Variants in EML4 observed in about 807,000 individuals in gnomAD.
EML4 encodes echinoderm microtubule-associated protein-like 4.
Under a neutral mutation model 129.0 loss-of-function variants are expected in EML4, and 72 were observed. The ratio of observed to expected loss-of-function variants is 0.56; its 90% CI spans 0.46 to 0.68. The LOEUF (loss-of-function observed/expected upper bound fraction) is 0.68. Among genes scored for constraint, EML4 ranks in the 30% least tolerant of loss-of-function variants. EML4 has a pLI of 0.00. For synonymous variants in EML4, 532 were observed against 405.0 expected (o/e 1.31, Z -3.77); for missense variants, 1,363 against 1,190.6 (o/e 1.14, Z -2.13).
chr2:42,227,528 T>C (rs1426951046), intron 1 of EML4, among the ~76,000 whole-genome samples: 3 of 151,922 alleles, frequency 2.0e-5, no homozygotes, highest in Admixed American at 2.0e-4. Context: ...ACTTTAAATT[T>C]GCTTCTGGTC....
chr2:42,210,271 G>C (rs760399060), intron 1 of EML4, among the ~76,000 whole-genome samples: 13 of 152,070 alleles, frequency 8.5e-5, no homozygotes, highest in Non-Finnish European at 1.9e-4. Flanking sequence ...AGTTTTAAGA[G>C]CAGTACTGGT....
chr2:42,209,558 C>T (rs1229774349), intron 1 of EML4, among the ~76,000 whole-genome samples: 1 of 152,156 alleles, frequency 6.6e-6, no homozygotes, highest in African/African-American at 2.4e-5. Context: ...TATCTGAGTA[C>T]TGCCTTCATG....
chr2:42,263,490 T>C (rs13429735), intron 5 of EML4, among the ~76,000 whole-genome samples, 184 bp downstream of exon 5: 92,779 of 144,928 alleles, frequency 0.64, 29,688 homozygotes, highest in East Asian at 0.76. Context: ...CTGCAGCCTC[T>C]GCCTCCCAGG....
chr2:42,207,779 TAA>T (rs1170951327), intron 1 of EML4: 3 of 152,222 alleles, frequency 2.0e-5, no homozygotes, highest in Admixed American at 1.3e-4. Context: ...TGGCATAATA[TAA>T]AATGCAAATT....
At chr2:42,215,936 T>A (rs538067882) in intron 1 of EML4, among the ~76,000 whole-genome samples, 17 of 152,258 alleles carry the variant, frequency 1.1e-4, no homozygotes, top group Admixed American at 4.6e-4. Flanking sequence ...TTTCTTTTTT[T>A]TTGAAACGGA....
intron 1 of EML4, among the ~76,000 whole-genome samples, chr2:42,242,264 T>C (rs558833290): frequency 1.3e-5 from 2 of 152,316 alleles, no homozygotes; most frequent in East Asian, 1.9e-4. Flanking sequence ...TATAAAGATA[T>C]AGCTCATCTT....
chr2:42,231,503 G>A (rs765827753), intron 1 of EML4, among the ~76,000 whole-genome samples: 1 of 151,766 alleles, frequency 6.6e-6, no homozygotes, highest in South Asian at 2.1e-4. Context: ...TCCCCACACT[G>A]TTTTTTTTCC....
chr2:42,175,657 C>G (rs1005941163), intron 1 of EML4, among the ~76,000 whole-genome samples: 2 of 152,056 alleles, frequency 1.3e-5, no homozygotes, highest in African/African-American at 4.8e-5. Context: ...CACCACCGCA[C>G]CCAGCTAATT....
At chr2:42,195,551 A>G (rs1671850112) in intron 1 of EML4, among the ~76,000 whole-genome samples, 1 of 152,214 alleles carries the variant, frequency 6.6e-6, no homozygotes, top group African/African-American at 2.4e-5. Flanking sequence ...AAAATTTAAA[A>G]TGTACGTTTG....
Position 42,255,171 on chromosome 2 carries a change from C to T in EML4, c.209-1330C>T, listed in dbSNP as rs370276489. The stretch of plus-strand genomic sequence containing the variant: ...TGCGATCCCCACTAACTGCAAGCTC[C>T]GCCTCCCAAGTTCCTGCCATTCTCC... On this transcript the variant is annotated intron_variant, in intron 2 of 22. Coordinates refer to ENST00000318522, the MANE Select transcript of EML4 (RefSeq NM_019063.5). Among the ~76,000 whole-genome samples, 6 of 151,936 alleles carry T rather than the reference C, an allele frequency of 3.9e-5. No individual in the cohort carries two copies. In the East Asian group the frequency reaches 7.7e-4, roughly 20 times the overall value.
intron 14 of EML4, among the ~76,000 whole-genome samples, chr2:42,302,230 A>G (rs1668323538): frequency 6.6e-6 from 1 of 152,136 alleles, no homozygotes; most frequent in South Asian, 2.1e-4. Flanking sequence ...ACACATTGTA[A>G]TTGAACATAT....
chr2:42,191,798 G>A (rs537641221), intron 1 of EML4, among the ~76,000 whole-genome samples: 4 of 152,100 alleles, frequency 2.6e-5, no homozygotes, highest in Non-Finnish European at 4.4e-5. Context: ...GGTGGCTCAC[G>A]CCTATAATCC....
chr2:42,326,105 C>T (rs761014590), intron 20 of EML4, 49 bp from the exon 21 acceptor site: 1 of 1,603,092 alleles, frequency 6.2e-7, no homozygotes, highest in South Asian at 1.1e-5. Flanking sequence ...CTTTCAAATA[C>T]ATTTGTACAC....
At chr2:42,318,753 G>T (rs926679803) in intron 19 of EML4, among the ~76,000 whole-genome samples, 1 of 152,046 alleles carries the variant, frequency 6.6e-6, no homozygotes, top group South Asian at 2.1e-4. Flanking sequence ...TTGAGACAGG[G>T]TCTTACTCTG....
chr2:42,206,238 G>A (rs1171629333), intron 1 of EML4, among the ~76,000 whole-genome samples: 6 of 152,066 alleles, frequency 3.9e-5, no homozygotes, highest in Admixed American at 6.6e-5. Flanking sequence ...TTTAGAGACA[G>A]GGTCTCACTC....
rs987426759 is a variant in EML4 at position 42,194,799 on chromosome 2, C to G, written c.25+25163C>G. 1.4e-4 allele frequency among the ~76,000 whole-genome samples: 22 copies of G among 152,132 alleles called. 1 individual carries two copies. The highest frequency in any genetic ancestry group is 4.6e-4 in the African/African-American group (19 of 41,416). On this transcript the variant is annotated intron_variant, in intron 1 of 22. Transcript: ENST00000318522. ...GTGCTGGGATTACAGGAGTGAGCCA[C>G]TGCTTGGCCAGGATCTTTAATCTTG...
chr2:42,324,685 G>C (rs184675168), intron 19 of EML4, among the ~76,000 whole-genome samples: 1 of 152,288 alleles, frequency 6.6e-6, no homozygotes, highest in Admixed American at 6.5e-5. Context: ...GACTGTAGGA[G>C]GTAAAAGCAA....
intron 11 of EML4, among the ~76,000 whole-genome samples, chr2:42,293,496 T>C (rs1399105492): frequency 6.6e-6 from 1 of 152,184 alleles, no homozygotes; most frequent in African/African-American, 2.4e-5. Context: ...CTCATGGAAA[T>C]ATTGGAACTG....
intron 1 of EML4, among the ~76,000 whole-genome samples, chr2:42,244,438 A>G (rs1221400513): frequency 2.0e-5 from 3 of 152,262 alleles, no homozygotes; most frequent in South Asian, 2.1e-4. Flanking sequence ...TATTGACCCA[A>G]CAAATACAGT....
Sources: allele counts gnomAD v4.1 joint callset (sites outside exome capture counted in the v4.1 genomes callset), GRCh38; gene constraint gnomAD v4.1.1; transcripts MANE v1.5; gene names NCBI Gene and HGNC (gene_info 2026-07-23, HGNC 2026-07-21).